Variants in KLRG1 observed in about 807,000 individuals in gnomAD.
KLRG1 encodes killer cell lectin like receptor G1.
In KLRG1, 16 loss-of-function variants were observed where a neutral mutation model predicts 21.8. The ratio of observed to expected loss-of-function variants is 0.73; its 90% CI spans 0.50 to 1.11. KLRG1 has a LOEUF of 1.11. Among genes scored for constraint, KLRG1 ranks in the 50% most tolerant of loss-of-function variants. The pLI is 0.00. For missense variants in KLRG1, 173 were observed against 218.3 expected, an observed-to-expected ratio of 0.79 and a Z score of 1.31; for synonymous variants, 69 against 75.9, an observed-to-expected ratio of 0.91 and a Z score of 0.47.
the KLRG1 span, chr12:9,076,727 C>T: frequency 1.4e-5 from 22 of 1,612,882 alleles, no homozygotes; most frequent in Non-Finnish European, 1.8e-5. Flanking sequence ...GAGGATGGGC[C>T]AGGAGAAGGA....
intron 1 of KLRG1, among the ~76,000 whole-genome samples, chr12:8,960,556 T>TA (rs1470130735): frequency 6.6e-6 from 1 of 152,198 alleles, no homozygotes; most frequent in Non-Finnish European, 1.5e-5. Context: ...GTTCTAGACT[T>TA]ACATAAAGCC....
chr12:9,163,623 G>A, the KLRG1 span: 3 of 1,602,640 alleles, frequency 1.9e-6, no homozygotes, highest in African/African-American at 2.7e-5. Flanking sequence ...TGACCGCCCG[G>A]TGTTGCATTC....
At chr12:9,041,387 T>C in the KLRG1 span, among the ~76,000 whole-genome samples, 1 of 152,228 alleles carries the variant, frequency 6.6e-6, no homozygotes, top group South Asian at 2.1e-4. Flanking sequence ...ATGTAATTGA[T>C]GCACTATAAA....
the KLRG1 span, among the ~76,000 whole-genome samples, chr12:9,137,042 A>C: frequency 6.6e-6 from 1 of 152,050 alleles, no homozygotes; most frequent in East Asian, 1.9e-4. Flanking sequence ...ACATAGTTCA[A>C]CTTATTTGTT....
the KLRG1 span, among the ~76,000 whole-genome samples, chr12:9,041,559 G>A: frequency 6.6e-6 from 1 of 152,192 alleles, no homozygotes; most frequent in Non-Finnish European, 1.5e-5. Context: ...CTGGTGTTGT[G>A]TGTCTTGGAG....
At chr12:9,171,646 A>G in the KLRG1 span, among the ~76,000 whole-genome samples, 1 of 152,186 alleles carries the variant, frequency 6.6e-6, no homozygotes, top group African/African-American at 2.4e-5. Flanking sequence ...GAGGAACATA[A>G]CTGACCTGAT....
At chr12:9,201,401 A>G in the KLRG1 span, 1 of 1,404,344 alleles carries the variant, frequency 7.1e-7, no homozygotes, top group Non-Finnish European at 9.9e-7. Flanking sequence ...AAAGGCTACA[A>G]TTTCAGACTT....
At chr12:9,071,362 G>C in the KLRG1 span, among the ~76,000 whole-genome samples, 23 of 151,958 alleles carry the variant, frequency 1.5e-4, no homozygotes, top group South Asian at 1.9e-3. Context: ...GTCCCCGAGA[G>C]TTTGCATCCG....
At chr12:9,137,452 G>T in the KLRG1 span, among the ~76,000 whole-genome samples, 1 of 152,078 alleles carries the variant, frequency 6.6e-6, no homozygotes, top group South Asian at 2.1e-4. Flanking sequence ...TTGAAATTAG[G>T]AAGTGTGAGT....
At chr12:9,119,427 G>A in the KLRG1 span, among the ~76,000 whole-genome samples, 1 of 151,188 alleles carries the variant, frequency 6.6e-6, no homozygotes, top group African/African-American at 2.4e-5. Flanking sequence ...TTTTTTTTCT[G>A]CTGGGTTTAA....
At chr12:9,017,173 A>G in the KLRG1 span, among the ~76,000 whole-genome samples, 15 of 146,246 alleles carry the variant, frequency 1.0e-4, no homozygotes, top group East Asian at 3.3e-3. Context: ...CTGAGACAGG[A>G]GAATCACTTG....
At chr12:8,973,276 A>C (rs1946602379) in intron 1 of KLRG1, among the ~76,000 whole-genome samples, 1 of 151,990 alleles carries the variant, frequency 6.6e-6, no homozygotes, top group Admixed American at 6.5e-5. Context: ...CCCTCAAATT[A>C]ATATGTTGAA....
the KLRG1 span, chr12:9,110,343 C>T: frequency 7.1e-7 from 1 of 1,410,484 alleles, no homozygotes; most frequent in Admixed American, 2.7e-5. Flanking sequence ...ATCTGAAAGA[C>T]AAAAGAAAAA....
chr12:9,075,106 T>C, the KLRG1 span, among the ~76,000 whole-genome samples: 1 of 152,222 alleles, frequency 6.6e-6, no homozygotes, highest in African/African-American at 2.4e-5. Flanking sequence ...TATTAGACTA[T>C]AGCTGGAGTT....
At chr12:9,182,109 T>C in the KLRG1 span, 2 of 1,278,652 alleles carry the variant, frequency 1.6e-6, no homozygotes, top group South Asian at 3.2e-5. Flanking sequence ...AAGGCAAAAC[T>C]GCCTTTCACT....
At chr12:9,112,315 A>G in the KLRG1 span, 1 of 1,598,178 alleles carries the variant, frequency 6.3e-7, no homozygotes, top group Non-Finnish European at 8.6e-7. Flanking sequence ...TTGCCTGGGG[A>G]ACATCCAGGG....
At chr12:9,109,484 G>C in the KLRG1 span, 1 of 1,062,970 alleles carries the variant, frequency 9.4e-7, no homozygotes, top group Non-Finnish European at 1.4e-6. Context: ...CCCTGTAACA[G>C]TTCCCTAATA....
the KLRG1 span, chr12:9,067,615 C>G: frequency 1.5e-6 from 1 of 653,568 alleles, no homozygotes; most frequent in African/African-American, 1.8e-5. Flanking sequence ...AGTCCTTCAG[C>G]ACTTGATTCC....
the KLRG1 span, chr12:9,154,971 ACTC>A: frequency 1.1e-6 from 1 of 906,204 alleles, no homozygotes; most frequent in Admixed American, 2.7e-5. Flanking sequence ...TATGTCATAA[ACTC>A]CTAAAACTCA....
Sources: allele counts gnomAD v4.1 joint callset (sites outside exome capture counted in the v4.1 genomes callset), GRCh38; gene constraint gnomAD v4.1.1; transcripts MANE v1.5; gene names NCBI Gene and HGNC (gene_info 2026-07-23, HGNC 2026-07-21).